C21orf91: variants seen among roughly 807,000 people sequenced by gnomAD.
C21orf91 encodes protein EURL homolog.
A neutral mutation model predicts 32.9 loss-of-function variants in C21orf91; 26 were observed. The ratio of observed to expected loss-of-function variants is 0.79; its 90% CI spans 0.58 to 1.10. The LOEUF is 1.10. Ranked by LOEUF, C21orf91 falls within the 50% of genes least tolerant of loss-of-function variation. C21orf91 has a pLI of 0.00. For synonymous variants in C21orf91, 126 were observed against 120.4 expected (o/e 1.05, Z -0.31); for missense variants, 310 against 341.3 (o/e 0.91, Z 0.72).
At chr21:17,804,109 C>T (rs1235386301) in intron 2 of C21orf91, among the ~76,000 whole-genome samples, 1 of 152,124 alleles carries the variant, frequency 6.6e-6, no homozygotes, top group Non-Finnish European at 1.5e-5. Flanking sequence ...ATACTACTTG[C>T]CCCAGTGATG....
At chr21:17,803,779 T>G (rs2062577855) in intron 2 of C21orf91, among the ~76,000 whole-genome samples, 1 of 152,182 alleles carries the variant, frequency 6.6e-6, no homozygotes, top group African/African-American at 2.4e-5. Flanking sequence ...TACTTGTTTC[T>G]GAGGCGCAGA....
chr21:17,805,426 G>A (rs1600882970), intron 2 of C21orf91, among the ~76,000 whole-genome samples: 1 of 152,270 alleles, frequency 6.6e-6, no homozygotes, highest in African/African-American at 2.4e-5. Flanking sequence ...CGATTCTCCT[G>A]CCTCAGCCTC....
In C21orf91 at chr21:17,803,477, C is replaced by T. The variant is rs962253497; in HGVS notation, c.128-6359G>A. Among the ~76,000 whole-genome samples, 3 of 152,116 alleles carry T rather than the reference C, an allele frequency of 2.0e-5. No individual in the cohort carries two copies. In the East Asian group the frequency reaches 5.8e-4, roughly 29 times the overall value. On this transcript the variant is annotated intron_variant, in intron 2 of 4. Coordinates refer to ENST00000284881, the MANE Select transcript of C21orf91 (RefSeq NM_001100420.2). ...GATGAGCCACGACTGCGCCTCTACA[C>T]TCTATCTAGCCTGGGCAACAGAGTG...
rs2062679637 is a variant in C21orf91, at chr21:17,818,385, C to A, written c.-7-60G>T. The A allele has an allele frequency of 7.8e-6, 11 of 1,410,416 alleles. No individual in the cohort carries two copies. In the South Asian group the frequency reaches 1.4e-4, roughly 19 times the overall value. The allele number at this position is 1,410,416 out of a possible 1,614,324, so 87.4% of individuals were successfully genotyped here. A position where few individuals can be genotyped will look rare whatever the true frequency, so the allele number is the denominator to read the frequency against. On this transcript the variant is annotated intron_variant, in intron 1 of 4. Transcript: ENST00000284881. ...TCATGAACCTGCCTTTGGGGTAGTTCCCTTTACTGGGAACTTCTAGGAAAT... is the reference window on the plus strand; with the variant it reads ...TCATGAACCTGCCTTTGGGGTAGTTACCTTTACTGGGAACTTCTAGGAAAT...
intron 2 of C21orf91, among the ~76,000 whole-genome samples, chr21:17,799,718 G>A (rs999376630): frequency 7.2e-5 from 11 of 151,792 alleles, no homozygotes; most frequent in East Asian, 1.9e-4. Flanking sequence ...CCTCTTTCGC[G>A]GCCTGTATCT....
intron 3 of C21orf91, among the ~76,000 whole-genome samples, chr21:17,796,299 C>T (rs917350859): frequency 2.0e-5 from 3 of 152,134 alleles, no homozygotes; most frequent in East Asian, 1.9e-4. Context: ...CTAAACTATA[C>T]GAGTCCTAGA....
At chr21:17,795,744 A>C (rs1409800723) in intron 3 of C21orf91, among the ~76,000 whole-genome samples, 1 of 151,978 alleles carries the variant, frequency 6.6e-6, no homozygotes, top group Admixed American at 6.6e-5. Flanking sequence ...AAGTGCTGGG[A>C]TTATAGGTGT....
At position 17,790,264 on chromosome 21, in the gene C21orf91, C is replaced by CA. The variant is rs1242591230; in HGVS notation, c.*3150dup. 7.9e-5 allele frequency: 12 copies of CA among 151,822 alleles called. No individual in the cohort carries two copies. Among genetic ancestry groups the CA allele is most frequent in the African/African-American group, 2.4e-4 (10 of 41,468 alleles). 9.4% of individuals were successfully genotyped at this position (151,822 alleles called of 1,614,324 possible). On this transcript the variant is annotated 3_prime_UTR_variant, in exon 5 of 5. Transcript: ENST00000284881. ...GATTCTTCCAAAACAAAACAAAACC[C>CA]AAACTGGGAAACATTAAAACACAAA... is the stretch of plus-strand genomic sequence containing the variant.
At chr21:17,815,363 C>A (rs147695522) in intron 2 of C21orf91, among the ~76,000 whole-genome samples, 1 of 152,120 alleles carries the variant, frequency 6.6e-6, no homozygotes, top group Non-Finnish European at 1.5e-5. Context: ...CAGGCAACTG[C>A]AATACTACCA....
chr21:17,793,459 C>G lies in C21orf91; in HGVS notation c.850G>C (p.Val284Leu), dbSNP rs779616662. ...KNCSKLPCLQ[V>L]GRTGMKSHLP... is the part of the protein sequence containing the mutation. ...TGCGACTTCATTCCTGTTCGCCCTA[C>G]TTGCAGACATGGTAACTTAGAACAG... is the stretch of plus-strand genomic sequence containing the variant. Residue 284 changes from valine to leucine, a missense_variant, in exon 5 of 5, where the codon GTA becomes CTA. Coordinates refer to ENST00000284881, the MANE Select transcript of C21orf91 (RefSeq NM_001100420.2). 2 of 1,613,030 alleles carry G rather than the reference C, an allele frequency of 1.2e-6. No homozygotes were observed. The highest frequency in any genetic ancestry group is 2.7e-5 in the African/African-American group (2 of 74,922).
At chr21:17,812,961 T>C (rs1451295267) in intron 2 of C21orf91, among the ~76,000 whole-genome samples, 1 of 152,070 alleles carries the variant, frequency 6.6e-6, no homozygotes, top group Non-Finnish European at 1.5e-5. Context: ...AACTAAGAAA[T>C]AAATCTGTGT....
At chr21:17,815,822 G>C (rs2062661694) in intron 2 of C21orf91, among the ~76,000 whole-genome samples, 1 of 152,108 alleles carries the variant, frequency 6.6e-6, no homozygotes, top group Non-Finnish European at 1.5e-5. Context: ...CACCATGCCT[G>C]GTTAATTTTG....
rs2062523458 is a variant in C21orf91, at chr21:17,796,901, GT to G, written c.344del (p.Asn115ThrfsTer33). 2 of 1,613,482 alleles carry G rather than the reference GT, an allele frequency of 1.2e-6. No homozygotes were observed. Among genetic ancestry groups the G allele is most frequent in the East Asian group, 2.2e-5 (1 of 44,860 alleles). Reference protein sequence around the residue: ...DLDSDSECSKNPQHHLFNFRH... With the variant: ...DLDSDSECSKXPQHHLFNFRH... ...TGAAATTAAACAGATGATGCTGGGG[GT>G]TTTTAGAACATTCAGAATCTGAATC... On this transcript the variant is annotated frameshift_variant, in exon 3 of 5. Coordinates refer to ENST00000284881, the MANE Select transcript of C21orf91 (RefSeq NM_001100420.2). LOFTEE classifies it high-confidence loss of function.
intron 2 of C21orf91, among the ~76,000 whole-genome samples, chr21:17,806,120 C>CT (rs1175376697): frequency 6.6e-6 from 1 of 152,222 alleles, no homozygotes; most frequent in Non-Finnish European, 1.5e-5. Flanking sequence ...TGTGATAACT[C>CT]TGTCTCTCTG....
In C21orf91 at chr21:17,815,264, A is replaced by G. The variant is rs2062657856; in HGVS notation, c.127+2928T>C. ...TGGACTCAAAACTAGCTTAACTGTT[A>G]TTATTCCTCAAGAGAATTTATTTTT... On this transcript the variant is annotated intron_variant, in intron 2 of 4. Transcript: ENST00000284881. 3.9e-5 allele frequency among the ~76,000 whole-genome samples: 6 copies of G among 152,316 alleles called. No homozygotes were observed. The South Asian group carries it at 1.2e-3, about 32-fold the overall frequency.
intron 2 of C21orf91, among the ~76,000 whole-genome samples, chr21:17,808,535 A>G (rs1218877340): frequency 6.6e-6 from 1 of 152,236 alleles, no homozygotes; most frequent in Non-Finnish European, 1.5e-5. Flanking sequence ...AGACTCCAGA[A>G]TGCTAGGCTA....
intron 1 of C21orf91, chr21:17,819,056 G>A (rs2062687706): frequency 6.6e-6 from 1 of 152,212 alleles, no homozygotes; most frequent in African/African-American, 2.4e-5. Flanking sequence ...CGAGGGCCAC[G>A]GCGGCCGGTC....
intron 2 of C21orf91, among the ~76,000 whole-genome samples, chr21:17,798,169 A>T (rs2062533951): frequency 6.6e-6 from 1 of 152,130 alleles, no homozygotes; most frequent in African/African-American, 2.4e-5. Context: ...AAAAAGTTTT[A>T]GCTGATTCAT....
rs753405217 is a variant in C21orf91 at position 17,796,644 on chromosome 21, T to G, written c.602A>C (p.Glu201Ala). ...HSHNQAQKKE[E>A]TISSPEANVQ... The stretch of plus-strand genomic sequence containing the variant: ...ATTAGCCTCTGGACTAGAGATTGTC[T>G]CTTCTTTTTTCTGTGCCTGGTTGTG... The change falls in exon 3 of 5, where the codon GAG (glutamate) becomes GCG (alanine). Residue 201 changes from glutamate (E) to alanine (A), a missense_variant. Transcript: ENST00000284881. 1 of 1,614,044 alleles carries G rather than the reference T, an allele frequency of 6.2e-7. No homozygotes were observed. Among genetic ancestry groups the G allele is most frequent in the Non-Finnish European group, 8.5e-7 (1 of 1,179,930 alleles).
Sources: gnomAD v4.1 joint callset for allele counts (sites outside exome capture counted in the v4.1 genomes callset) on GRCh38, gnomAD v4.1.1 for gene constraint, MANE v1.5 for transcripts, NCBI Gene and HGNC (gene_info 2026-07-23, HGNC 2026-07-21) for gene names.